DMPK: variants seen among roughly 807,000 people sequenced by gnomAD.
DMPK encodes the protein DM1 protein kinase.
DMPK carries 32 observed loss-of-function variants against 70.3 expected under a neutral mutation model. The observed-to-expected ratio is 0.46, with a 90% CI of 0.34 to 0.61. The LOEUF is 0.61. Among genes scored for constraint, DMPK ranks in the 20% least tolerant of loss-of-function variants. DMPK has a pLI of 0.01. For missense variants in DMPK, 899 were observed against 886.0 expected (o/e 1.01, Z -0.19); for synonymous variants, 469 against 390.9 (o/e 1.20, Z -2.36).
In DMPK at chr19:45,771,409, G is replaced by GA. The variant is rs777783703; in HGVS notation, c.1601-14dup. The GA allele has an allele frequency of 6.2e-7, 1 of 1,609,036 alleles. No homozygotes were observed. Among genetic ancestry groups the GA allele is most frequent in the Non-Finnish European group, 8.5e-7 (1 of 1,178,460 alleles). ...ACCCCCGTGACAGCTGGAAGGAGAAGAAAGAGGCATAGGGCGCGTGGAGGG... is the reference window on the plus strand; with the variant it reads ...ACCCCCGTGACAGCTGGAAGGAGAAGAAAAGAGGCATAGGGCGCGTGGAGGG... On this transcript the variant is annotated splice_polypyrimidine_tract_variant and intron_variant, in intron 12 of 14. Transcript: ENST00000291270.
In DMPK at chr19:45,769,787, A is replaced by G. The variant is rs557340290; in HGVS notation, c.*701T>C. ...GGTCCTAGGTGGGGACAGACAATAA[A>G]TACCGAGGAATGTCGGGGTCTCAGT... is the stretch of plus-strand genomic sequence containing the variant. On this transcript the variant is annotated 3_prime_UTR_variant, in exon 15 of 15. Transcript: ENST00000291270. 2 of 204,046 alleles carry G rather than the reference A, an allele frequency of 9.8e-6. No homozygotes were observed. The highest frequency in any genetic ancestry group is 7.3e-5 in the South Asian group (1 of 13,722). 12.6% of individuals were successfully genotyped at this position (204,046 alleles called of 1,614,324 possible). A position where few individuals can be genotyped will look rare whatever the true frequency, so the allele number is the denominator to read the frequency against.
intron 1 of DMPK, among the ~76,000 whole-genome samples, chr19:45,781,346 G>C (rs1970106205): frequency 6.6e-6 from 1 of 152,158 alleles, no homozygotes; most frequent in African/African-American, 2.4e-5. Context: ...CAAGGCAGCT[G>C]GCAGAAGCGG....
rs1178813883 is a variant in DMPK, at chr19:45,769,778, AGACAATAAATACC to A, written c.*697_*709del. 1 of 186,754 alleles carries A rather than the reference AGACAATAAATACC, an allele frequency of 5.4e-6. No homozygotes were observed. Among genetic ancestry groups the A allele is most frequent in the African/African-American group, 2.4e-5 (1 of 41,728 alleles). The allele number at this position is 186,754 out of a possible 1,614,324, so 11.6% of individuals were successfully genotyped here. A position where few individuals can be genotyped will look rare whatever the true frequency, so the allele number is the denominator to read the frequency against. Reference sequence around the variant, plus strand: ...GGGGGTGGGGGTCCTAGGTGGGGACAGACAATAAATACCGAGGAATGTCGGGGTCTCAGTGCAT... The same window carrying A: ...GGGGGTGGGGGTCCTAGGTGGGGACAGAGGAATGTCGGGGTCTCAGTGCAT... On this transcript the variant is annotated 3_prime_UTR_variant, in exon 15 of 15. Transcript: ENST00000291270.
intron 8 of DMPK, chr19:45,776,682 A>T (rs191846663): frequency 6.6e-6 from 1 of 151,030 alleles, no homozygotes; most frequent in African/African-American, 2.4e-5. Flanking sequence ...CTGGTCTCGA[A>T]CTCCTGGGCT....
rs536940737 is a variant in DMPK, at chr19:45,777,369, G to A, written c.1104C>T (p.Asp368=). The A allele has an allele frequency of 1.3e-5, 21 of 1,605,638 alleles. No homozygotes were observed. The South Asian group carries it at 2.2e-4, about 17-fold the overall frequency. ...FEGATDTCNF[D]LVEDGLTAMV... is the part of the protein sequence containing the mutation. ...TGGCAGTGAGCCCGTCCTCCACCAA[G>A]TCGAAGTTGCATGTGTCGGTGGCAC... The change falls in exon 8 of 15, where the codon GAC becomes GAT. Residue 368 remains aspartate, a synonymous_variant. Coordinates refer to ENST00000291270, the MANE Select transcript of DMPK (RefSeq NM_004409.5). This position sits in a 1 kb window ranked among gnomAD's most constrained non-coding sequence, Gnocchi z 6.7.
Position 45,771,594 on chromosome 19 carries a change from T to C in DMPK, c.1574A>G (p.Glu525Gly). Residue 525 changes from glutamate to glycine, a missense_variant, in exon 12 of 15, where the codon GAG (glutamate) becomes GGG (glycine). Around this residue, in one of 3 missense-constraint regions of DMPK, gnomAD observed 555 missense variants for 483.8 expected, o/e 1.15. Coordinates refer to ENST00000291270, the MANE Select transcript of DMPK (RefSeq NM_004409.5). ...TGTGGCTCCCTCTGCCTGCAGCAAC[T>C]CCATCCGCTCCTGCAACTGCCGGAC... ...AHVRQLQERM[E>G]LLQAEGATAV... is the part of the protein sequence containing the mutation. The C allele has an allele frequency of 6.2e-7, 1 of 1,613,940 alleles. No homozygotes were observed. The highest frequency in any genetic ancestry group is 8.5e-7 in the Non-Finnish European group (1 of 1,179,942).
chr19:45,778,231 G>A lies in DMPK; in HGVS notation c.582-11C>T, dbSNP rs200276159. ...TCGGGTTTGATGTCCCTGCACGGAG[G>A]AAAAGAGAAGGGTGGGATAAATGAA... On this transcript the variant is annotated splice_polypyrimidine_tract_variant and intron_variant, in intron 5 of 14. Transcript: ENST00000291270. 7.5e-6 allele frequency: 12 copies of A among 1,609,038 alleles called. No individual in the cohort carries two copies. The highest frequency in any genetic ancestry group is 1.7e-4 in the Middle Eastern group (1 of 6,054).
rs577173241 is a variant in DMPK, at chr19:45,769,853, C to T, written c.*635G>A. 34 of 249,500 alleles carry T rather than the reference C, an allele frequency of 1.4e-4. No individual in the cohort carries two copies. The highest frequency in any genetic ancestry group is 2.4e-4 in the Non-Finnish European group (30 of 125,344). The allele number at this position is 249,500 out of a possible 1,614,324, so 15.5% of individuals were successfully genotyped here. A position where few individuals can be genotyped will look rare whatever the true frequency, so the allele number is the denominator to read the frequency against. On this transcript the variant is annotated 3_prime_UTR_variant, in exon 15 of 15. Transcript: ENST00000291270. ...ATTGGGGTTGTTGGGGGTCCTGTAG[C>T]CTGTCAGCGAGTCGGAGGACGAGGT...
chr19:45,778,189 G>A lies in DMPK; in HGVS notation c.613C>T (p.Arg205Cys), dbSNP rs376705114. 9 of 1,613,720 alleles carry A rather than the reference G, an allele frequency of 5.6e-6. No homozygotes were observed. The highest frequency in any genetic ancestry group is 1.6e-4 in the Middle Eastern group (1 of 6,084). The change falls in exon 6 of 15, where the codon CGC becomes TGC. Residue 205 changes from arginine (R) to cysteine (C), a missense_variant. This residue lies in a region of DMPK where 195 missense variants were observed against 259.7 expected (regional missense o/e 0.75). Coordinates refer to ENST00000291270, the MANE Select transcript of DMPK (RefSeq NM_004409.5). ...TCGGCCAGGCGGATGTGGCCACAGC[G>A]GTCCAGCAGGATGTTGTCGGGTTTG... ...DIKPDNILLD[R>C]CGHIRLADFG... is the part of the protein sequence containing the mutation.
intron 1 of DMPK, among the ~76,000 whole-genome samples, chr19:45,780,929 C>T (rs946438543): frequency 3.3e-5 from 5 of 152,022 alleles, no homozygotes; most frequent in Non-Finnish European, 7.4e-5. Flanking sequence ...CTCCCGGGAG[C>T]GCCAGACCCC....
chr19:45,774,873 T>C (rs577704005), intron 9 of DMPK, 76 bp downstream of exon 9: 104 of 1,171,552 alleles, frequency 8.9e-5, no homozygotes, highest in Admixed American at 5.2e-4. Context: ...TGCAACTCCA[T>C]TGGCTGCCAA....
At chr19:45,779,744 G>A (rs1427068988) in intron 2 of DMPK, 34 bp downstream of exon 2, 10 of 1,204,514 alleles carry the variant, frequency 8.3e-6, no homozygotes, top group Non-Finnish European at 1.0e-5. Flanking sequence ...CGCCCACCAC[G>A]AGTCAAGTCA....
chr19:45,781,485 G>A (rs556731727), intron 1 of DMPK, among the ~76,000 whole-genome samples: 2 of 152,304 alleles, frequency 1.3e-5, no homozygotes, highest in Non-Finnish European at 2.9e-5. Flanking sequence ...CGGGGTGGCG[G>A]GAATGGTGGC....
At position 45,771,063 on chromosome 19, in the gene DMPK, G is replaced by A; in HGVS notation, c.1648-3C>T. On this transcript the variant is annotated splice_region_variant and splice_polypyrimidine_tract_variant and intron_variant, in intron 13 of 14. Coordinates refer to ENST00000291270, the MANE Select transcript of DMPK (RefSeq NM_004409.5). ...GCCACGGCCGGGGGGCCATCTAGCT[G>A]GAGAGAGAAGGGACAGGTGACCCGA... is the stretch of plus-strand genomic sequence containing the variant. 6.6e-7 allele frequency: 1 copy of A among 1,525,606 alleles called. No individual in the cohort carries two copies. The highest frequency in any genetic ancestry group is 1.2e-5 in the South Asian group (1 of 81,654). 94.5% of individuals were successfully genotyped at this position (1,525,606 alleles called of 1,614,324 possible).
rs766818029 is a variant in DMPK, at chr19:45,778,226, C to T, written c.582-6G>A. ...TGTTGTCGGGTTTGATGTCCCTGCA[C>T]GGAGGAAAAGAGAAGGGTGGGATAA... On this transcript the variant is annotated splice_polypyrimidine_tract_variant and splice_region_variant and intron_variant, in intron 5 of 14. Transcript: ENST00000291270. The T allele has an allele frequency of 6.8e-6, 11 of 1,611,654 alleles. No homozygotes were observed. The highest frequency in any genetic ancestry group is 3.3e-5 in the Admixed American group (2 of 59,862).
chr19:45,772,622 C>T lies in DMPK; in HGVS notation c.1344+19G>A, dbSNP rs185269445. The T allele has an allele frequency of 3.8e-5, 57 of 1,514,846 alleles. No individual in the cohort carries two copies. In the East Asian group the frequency reaches 1.4e-3, roughly 36 times the overall value. The allele number at this position is 1,514,846 out of a possible 1,614,324, so 93.8% of individuals were successfully genotyped here. ...CTCCCAATTGTCCCTGACGGACCCC[C>T]TCCCCTCCACCAACTTACTGTTTCA... On this transcript the variant is annotated intron_variant, in intron 10 of 14. Transcript: ENST00000291270.
Position 45,777,633 on chromosome 19 carries a change from G to C in DMPK, c.882+34C>G, listed in dbSNP as rs140158944. The stretch of plus-strand genomic sequence containing the variant: ...AGGCGATAGCCTGGGAGCGCCTACC[G>C]GGAGAGGCCAGGTCTCCCTGCGGCC... On this transcript the variant is annotated intron_variant, in intron 7 of 14. Transcript: ENST00000291270. This position sits in a 1 kb window ranked among gnomAD's most constrained non-coding sequence, Gnocchi z 6.7. 1 of 1,613,252 alleles carries C rather than the reference G, an allele frequency of 6.2e-7. No individual in the cohort carries two copies. Among genetic ancestry groups the C allele is most frequent in the African/African-American group, 1.3e-5 (1 of 74,936 alleles).
rs149781731 is a variant in DMPK at position 45,772,500 on chromosome 19, A to AGT, written c.1344+139_1344+140dup. 0.017 allele frequency: 9,541 copies of AGT among 554,498 alleles called. 755 individuals carry two copies. In the African/African-American group the frequency reaches 0.17, roughly 10 times the overall value. 34.3% of individuals were successfully genotyped at this position (554,498 alleles called of 1,614,324 possible). A position where few individuals can be genotyped will look rare whatever the true frequency, so the allele number is the denominator to read the frequency against. On this transcript the variant is annotated intron_variant, in intron 10 of 14. Coordinates refer to ENST00000291270, the MANE Select transcript of DMPK (RefSeq NM_004409.5). ...ACTACAGAGACCGTCCCATGTCTGA[A>AGT]GTAACCTCGTCTCTCCGTGGTTTCT...
chr19:45,780,015 CAT>C, intron 1 of DMPK, 146 bp from the exon 2 acceptor site: 1 of 1,552,998 alleles, frequency 6.4e-7, no homozygotes, highest in Non-Finnish European at 8.7e-7. Context: ...GGCTTCCCCA[CAT>C]AAACACCGTG....
Sources: allele counts gnomAD v4.1 joint callset (sites outside exome capture counted in the v4.1 genomes callset), GRCh38; gene constraint gnomAD v4.1.1; regional missense constraint gnomAD v4.1.1; non-coding constraint Gnocchi (gnomAD v3.1); transcripts MANE v1.5; gene names NCBI Gene and HGNC (gene_info 2026-07-23, HGNC 2026-07-21).